SMC5: variants seen among roughly 807,000 people sequenced by gnomAD.
SMC5 encodes the protein structural maintenance of chromosomes 5.
A neutral mutation model predicts 148.3 loss-of-function variants in SMC5; 88 were observed. The observed-to-expected ratio is 0.59, with a 90% CI of 0.50 to 0.71. The LOEUF (loss-of-function observed/expected upper bound fraction) is 0.71. Ranked by LOEUF, SMC5 falls within the 30% of genes least tolerant of loss-of-function variation. The pLI is 0.00. For synonymous variants in SMC5, 421 were observed against 432.8 expected, an observed-to-expected ratio of 0.97 and a Z score of 0.34; for missense variants, 1,142 against 1,298.9, an observed-to-expected ratio of 0.88 and a Z score of 1.86.
chr9:70,319,983 T>C (rs376842708), intron 15 of SMC5, among the ~76,000 whole-genome samples: 1 of 152,346 alleles, frequency 6.6e-6, no homozygotes. Context: ...CAACAAATAT[T>C]GTCAGTTATT....
chr9:70,282,389 G>A, intron 6 of SMC5, 33 bp from the exon 7 acceptor site: 5 of 1,563,054 alleles, frequency 3.2e-6, no homozygotes, highest in Non-Finnish European at 4.3e-6. Flanking sequence ...TTAAGGTAGG[G>A]CATTAACTTC....
At chr9:70,300,345 G>C in intron 10 of SMC5, 145 bp downstream of exon 10, 1 of 635,534 alleles carries the variant, frequency 1.6e-6, no homozygotes, top group Non-Finnish European at 2.5e-6. Context: ...CTATACATGA[G>C]CTTTTTAAAG....
intron 12 of SMC5, 71 bp from the exon 13 acceptor site, chr9:70,315,375 G>A (rs377223007): frequency 9.7e-7 from 1 of 1,026,296 alleles, no homozygotes; most frequent in East Asian, 2.7e-5. Flanking sequence ...GTTTATTGGT[G>A]GCTTATCAAC....
At chr9:70,311,600 A>T (rs2035658837) in intron 11 of SMC5, 1 of 152,092 alleles carries the variant, frequency 6.6e-6, no homozygotes, top group Non-Finnish European at 1.5e-5. Context: ...TGTTTTAAAA[A>T]ATTGTTTTTA....
intron 11 of SMC5, among the ~76,000 whole-genome samples, chr9:70,309,318 C>CGTTTTTTTTTTTTT (rs2035594091): frequency 1.3e-5 from 1 of 79,180 alleles, no homozygotes; most frequent in Non-Finnish European, 2.3e-5. Flanking sequence ...TTTCCTTTTC[C>CGTTTTTTTTTTTTT]TTTTTTTTTT....
At chr9:70,295,522 T>C (rs942470338) in intron 8 of SMC5, among the ~76,000 whole-genome samples, 1 of 150,698 alleles carries the variant, frequency 6.6e-6, no homozygotes, top group East Asian at 2.0e-4. Context: ...ATTACAGATA[T>C]AGAGCAGTAT....
rs1248726754 is a variant in SMC5, at chr9:70,298,049, G to T, written c.1137G>T (p.Met379Ile). 6.2e-7 allele frequency: 1 copy of T among 1,614,006 alleles called. No homozygotes were observed. Among genetic ancestry groups the T allele is most frequent in the Non-Finnish European group, 8.5e-7 (1 of 1,179,936 alleles). The change falls in exon 9 of 25, where the codon ATG (methionine) becomes ATT (isoleucine). Residue 379 changes from methionine to isoleucine, a missense_variant. This residue lies in a region of SMC5 where 743 missense variants were observed against 835.7 expected (regional missense o/e 0.89). Transcript: ENST00000361138. ...RQRRIGNTRK[M>I]IEDLQNELKT... The stretch of plus-strand genomic sequence containing the variant: ...GGAGAATAGGTAATACCCGCAAAAT[G>T]ATAGAGGATTTGCAAAATGAACTAA...
chr9:70,310,249 G>A (rs2035623060), intron 11 of SMC5, among the ~76,000 whole-genome samples: 1 of 152,196 alleles, frequency 6.6e-6, no homozygotes, highest in Admixed American at 6.5e-5. Context: ...TGTGTTTCTT[G>A]ATAAGACTTG....
intron 10 of SMC5, among the ~76,000 whole-genome samples, chr9:70,302,143 A>G (rs988455656): frequency 6.6e-6 from 1 of 152,126 alleles, no homozygotes; most frequent in African/African-American, 2.4e-5. Context: ...AGGCCGAGGT[A>G]GGCAGATCAG....
chr9:70,346,905 C>T lies in SMC5; in HGVS notation c.2569-161C>T, dbSNP rs144254886. On this transcript the variant is annotated intron_variant, in intron 19 of 24. Coordinates refer to ENST00000361138, the MANE Select transcript of SMC5 (RefSeq NM_015110.4). ...CATTTTGTTTTCTTTAAAGTACAAG[C>T]TTTTGAAGGCAAATGACCCTGTTTA... Among the ~76,000 whole-genome samples, 598 of 152,278 alleles carry T rather than the reference C, an allele frequency of 3.9e-3. 3 individuals are homozygous for T. Among genetic ancestry groups the T allele is most frequent in the African/African-American group, 0.013 (553 of 41,560 alleles).
intron 2 of SMC5, among the ~76,000 whole-genome samples, chr9:70,267,344 C>G (rs1483653886): frequency 6.6e-6 from 1 of 152,066 alleles, no homozygotes; most frequent in Admixed American, 6.5e-5. Context: ...GACTCATAAG[C>G]ATATAGAAAC....
intron 11 of SMC5, among the ~76,000 whole-genome samples, chr9:70,305,740 T>A (rs1049899010): frequency 2.6e-5 from 4 of 152,198 alleles, no homozygotes; most frequent in African/African-American, 9.6e-5. Context: ...CAGTACACTG[T>A]TGCTTATTAA....
Position 70,258,998 on chromosome 9 carries a change from G to T in SMC5, c.-81G>T, listed in dbSNP as rs193097925. The T allele has an allele frequency of 1.7e-4, 248 of 1,447,842 alleles. No individual in the cohort carries two copies. In the African/African-American group the frequency reaches 2.6e-3, roughly 15 times the overall value. The allele number at this position is 1,447,842 out of a possible 1,614,324, so 89.7% of individuals were successfully genotyped here. A position where few individuals can be genotyped will look rare whatever the true frequency, so the allele number is the denominator to read the frequency against. On this transcript the variant is annotated 5_prime_UTR_variant, in exon 1 of 25. Coordinates refer to ENST00000361138, the MANE Select transcript of SMC5 (RefSeq NM_015110.4). ...GCGGCAGTTCGCGCGGGAGCGGGGC[G>T]CCTGGGTGGATGGGCGCTTGGGCGC...
chr9:70,329,972 C>CTT (rs2036179328), intron 17 of SMC5, among the ~76,000 whole-genome samples: 1 of 152,082 alleles, frequency 6.6e-6, no homozygotes, highest in Non-Finnish European at 1.5e-5. Context: ...GTGCTGCACA[C>CTT]TTTTAAACGA....
chr9:70,268,372 G>A (rs920114479), intron 3 of SMC5, among the ~76,000 whole-genome samples: 2 of 152,062 alleles, frequency 1.3e-5, no homozygotes, highest in African/African-American at 2.4e-5. Context: ...CTGGAACCTG[G>A]GAGGCAAAGG....
At chr9:70,338,005 A>G (rs1310476368) in intron 17 of SMC5, among the ~76,000 whole-genome samples, 1 of 152,134 alleles carries the variant, frequency 6.6e-6, no homozygotes, top group East Asian at 1.9e-4. Flanking sequence ...ATTTCTCAAC[A>G]CATTTGCTGT....
At chr9:70,331,760 G>C (rs1017780638) in intron 17 of SMC5, among the ~76,000 whole-genome samples, 1 of 152,058 alleles carries the variant, frequency 6.6e-6, no homozygotes, top group Non-Finnish European at 1.5e-5. Context: ...TCCATTCTTC[G>C]CGATGATGAA....
At chr9:70,313,373 C>T (rs182348541) in intron 11 of SMC5, among the ~76,000 whole-genome samples, 71 of 152,234 alleles carry the variant, frequency 4.7e-4, no homozygotes, top group Non-Finnish European at 9.4e-4. Flanking sequence ...ATAATAGCTA[C>T]GTTAAACTTC....
intron 3 of SMC5, among the ~76,000 whole-genome samples, chr9:70,271,970 T>G (rs929603443): frequency 2.0e-5 from 3 of 152,198 alleles, no homozygotes; most frequent in Non-Finnish European, 4.4e-5. Flanking sequence ...GCTGCCTGGT[T>G]TTTAGCAGAG....
Sources: gnomAD v4.1 joint callset for allele counts (sites outside exome capture counted in the v4.1 genomes callset) on GRCh38, gnomAD v4.1.1 for gene constraint, gnomAD v4.1.1 regional missense constraint, MANE v1.5 for transcripts, NCBI Gene and HGNC (gene_info 2026-07-23, HGNC 2026-07-21) for gene names.